Variants in DCDC1 observed in about 807,000 individuals in gnomAD.
DCDC1 encodes the protein doublecortin domain-containing protein 1.
In DCDC1, 200 loss-of-function variants were observed where a neutral mutation model predicts 178.3. The observed-to-expected ratio is 1.12, with a 90% confidence interval of 1.00 to 1.26. The LOEUF is 1.26. Among genes scored for constraint, DCDC1 ranks in the 50% most tolerant of loss-of-function variants. The pLI, the probability that DCDC1 is intolerant of heterozygous loss-of-function variation, is 0.00. For missense variants in DCDC1, 1,983 were observed against 1,749.2 expected, an observed-to-expected ratio of 1.13 and a Z score of -2.38; for synonymous variants, 690 against 604.8, an observed-to-expected ratio of 1.14 and a Z score of -2.07.
intron 20 of DCDC1, among the ~76,000 whole-genome samples, chr11:31,027,225 A>G (rs998403322): frequency 6.6e-6 from 1 of 151,820 alleles, no homozygotes; most frequent in Non-Finnish European, 1.5e-5. Flanking sequence ...TTAAGGTCCA[A>G]TTTTATTTAA....
chr11:31,314,211 T>C (rs1469679457), intron 3 of DCDC1, among the ~76,000 whole-genome samples: 4 of 152,226 alleles, frequency 2.6e-5, no homozygotes, highest in Non-Finnish European at 5.9e-5. Context: ...CATTATTTAA[T>C]CTTTTGCCAT....
chr11:31,198,760 G>C (rs1268683090), intron 9 of DCDC1, among the ~76,000 whole-genome samples: 1 of 151,914 alleles, frequency 6.6e-6, no homozygotes, highest in Non-Finnish European at 1.5e-5. Flanking sequence ...AATAATTTTG[G>C]AGTCTTGGCC....
chr11:30,993,597 A>G (rs1287622301), intron 20 of DCDC1, among the ~76,000 whole-genome samples: 2 of 152,158 alleles, frequency 1.3e-5, no homozygotes, highest in South Asian at 4.1e-4. Context: ...CAAGACAATA[A>G]TAACTGATAT....
At chr11:31,160,148 G>C (rs907215033) in intron 9 of DCDC1, among the ~76,000 whole-genome samples, 10 of 152,016 alleles carry the variant, frequency 6.6e-5, no homozygotes, top group Admixed American at 3.3e-4. Context: ...AATGTTTTAT[G>C]AATAAGATTC....
At chr11:30,905,363 A>G (rs1407593344) in intron 30 of DCDC1, among the ~76,000 whole-genome samples, 199 bp from the exon 31 acceptor site, 1 of 152,170 alleles carries the variant, frequency 6.6e-6, no homozygotes, top group Non-Finnish European at 1.5e-5. Context: ...CAGGCCTGTC[A>G]CTGAGTCACT....
At chr11:30,962,416 T>C (rs1029681323) in intron 20 of DCDC1, among the ~76,000 whole-genome samples, 1 of 151,802 alleles carries the variant, frequency 6.6e-6, no homozygotes, top group Non-Finnish European at 1.5e-5. Flanking sequence ...GAGAATGCTA[T>C]GCTATGATAA....
chr11:31,097,469 T>TA (rs1343728775), intron 15 of DCDC1, among the ~76,000 whole-genome samples: 1 of 152,234 alleles, frequency 6.6e-6, no homozygotes, highest in Non-Finnish European at 1.5e-5. Flanking sequence ...TACACATAAG[T>TA]AAAAATCACA....
chr11:31,363,009 C>A (rs1323920284), intron 1 of DCDC1, among the ~76,000 whole-genome samples: 1 of 152,054 alleles, frequency 6.6e-6, no homozygotes, highest in Non-Finnish European at 1.5e-5. Context: ...ATTTTAAAAT[C>A]TGATTTTTAC....
chr11:31,268,235 G>A (rs1945309163), intron 7 of DCDC1, among the ~76,000 whole-genome samples: 1 of 152,048 alleles, frequency 6.6e-6, no homozygotes, highest in Non-Finnish European at 1.5e-5. Flanking sequence ...ATCCTCTAAA[G>A]TTACAATTTA....
chr11:31,273,735 T>C (rs983744807), intron 7 of DCDC1, among the ~76,000 whole-genome samples: 22 of 152,304 alleles, frequency 1.4e-4, no homozygotes, highest in African/African-American at 5.1e-4. Context: ...ATTTACTGTA[T>C]TAGTCCATTT....
intron 9 of DCDC1, among the ~76,000 whole-genome samples, chr11:31,143,846 G>T (rs1964137715): frequency 6.6e-6 from 1 of 152,190 alleles, no homozygotes; most frequent in Non-Finnish European, 1.5e-5. Context: ...AAGACATTGA[G>T]CAATAGTGAT....
At chr11:31,355,725 G>A (rs1016647242) in intron 1 of DCDC1, among the ~76,000 whole-genome samples, 8 of 151,774 alleles carry the variant, frequency 5.3e-5, no homozygotes, top group African/African-American at 7.3e-5. Context: ...CCACCACCAC[G>A]CCCGGCTAAT....
At chr11:30,968,440 G>C (rs1949568989) in intron 20 of DCDC1, among the ~76,000 whole-genome samples, 2 of 151,526 alleles carry the variant, frequency 1.3e-5, no homozygotes, top group African/African-American at 2.4e-5. Flanking sequence ...AATACTAAAG[G>C]GAAAACTCTT....
At chr11:31,131,400 A>C (rs1327190952) in intron 10 of DCDC1, among the ~76,000 whole-genome samples, 2 of 152,150 alleles carry the variant, frequency 1.3e-5, no homozygotes, top group African/African-American at 4.8e-5. Context: ...ATGAATTTCC[A>C]TGCTTTCCAT....
At chr11:31,007,631 A>G (rs1951924168) in intron 20 of DCDC1, among the ~76,000 whole-genome samples, 2 of 152,062 alleles carry the variant, frequency 1.3e-5, no homozygotes, top group South Asian at 2.1e-4. Context: ...ACTTGGGATC[A>G]TGGAAGAACT....
intron 9 of DCDC1, among the ~76,000 whole-genome samples, chr11:31,205,068 G>A (rs1350966174): frequency 6.6e-6 from 1 of 152,136 alleles, no homozygotes; most frequent in African/African-American, 2.4e-5. Context: ...TCTTAATTCA[G>A]CAGACCTGTT....
At chr11:31,289,809 G>A (rs1947094538) in intron 7 of DCDC1, among the ~76,000 whole-genome samples, 1 of 151,890 alleles carries the variant, frequency 6.6e-6, no homozygotes, top group Non-Finnish European at 1.5e-5. Context: ...TTTTTTAGAT[G>A]AAGAAACTGA....
At chr11:31,110,962 T>C (rs542058715) in intron 11 of DCDC1, among the ~76,000 whole-genome samples, 2 of 122,088 alleles carry the variant, frequency 1.6e-5, no homozygotes, top group South Asian at 3.1e-4. Context: ...CATTGCATTA[T>C]GTAACACTCG....
At position 31,091,413 on chromosome 11, in the gene DCDC1, A is replaced by G. The variant is rs762876121; in HGVS notation, c.2217T>C (p.Tyr739=). The G allele has an allele frequency of 1.5e-4, 115 of 753,488 alleles. No homozygotes were observed. Among genetic ancestry groups the G allele is most frequent in the Non-Finnish European group, 4.4e-5 (18 of 411,130 alleles). 46.7% of individuals were successfully genotyped at this position (753,488 alleles called of 1,614,324 possible). ...KAAEGTSLEG[Y]KLILQKRHSG... is the part of the protein sequence containing the mutation. ...ATTACCTTTTCTGTAAGATTAATTT[A>G]TATCCTTCTAGTGATGTTCCCTCAG... is the stretch of plus-strand genomic sequence containing the variant. The change falls in exon 17 of 39, where the codon TAT becomes TAC. Residue 739 remains tyrosine, a synonymous_variant. Transcript: ENST00000684477.
Sources: allele counts gnomAD v4.1 joint callset (sites outside exome capture counted in the v4.1 genomes callset), GRCh38; gene constraint gnomAD v4.1.1; transcripts MANE v1.5; gene names NCBI Gene and HGNC (gene_info 2026-07-23, HGNC 2026-07-21).